Variants in FRMPD4 observed in about 807,000 individuals in gnomAD.
FRMPD4 encodes FERM and PDZ domain containing 4.
FRMPD4 carries 22 observed loss-of-function variants against 94.1 expected under a neutral mutation model. The ratio of observed to expected loss-of-function variants is 0.23; its 90% confidence interval spans 0.17 to 0.33. The LOEUF (loss-of-function observed/expected upper bound fraction) is 0.33. Ranked by LOEUF, FRMPD4 falls within the 10% of genes least tolerant of loss-of-function variation. The pLI is 1.00. For synonymous variants in FRMPD4, 631 were observed against 548.6 expected, an observed-to-expected ratio of 1.15 and a Z score of -2.10; for missense variants, 1,111 against 1,339.9, an observed-to-expected ratio of 0.83 and a Z score of 2.67.
At chrX:12,466,690 G>C (rs762564953) in intron 1 of FRMPD4, among the ~76,000 whole-genome samples, 17 of 112,248 alleles carry the variant, frequency 1.5e-4, no homozygotes, top group African/African-American at 5.5e-4. Context: ...AAGAAACTCT[G>C]TTAGTGAGGG....
chrX:12,442,054 T>C (rs971760959), intron 1 of FRMPD4, among the ~76,000 whole-genome samples: 2 of 111,740 alleles, frequency 1.8e-5, no homozygotes, highest in Non-Finnish European at 3.8e-5. Context: ...AGAGGCAGGG[T>C]AACCATATGT....
chrX:12,175,514 C>T (rs1010782827), intron 1 of FRMPD4, among the ~76,000 whole-genome samples: 2 of 111,670 alleles, frequency 1.8e-5, no homozygotes, highest in Non-Finnish European at 1.9e-5. Flanking sequence ...AAATTCAGTA[C>T]GTATTTTTGT....
At position 12,690,178 on chromosome X, in the gene FRMPD4, C is replaced by T. The variant is rs768179339; in HGVS notation, c.682-17C>T. ...GCTTCGATTTTGGTCTCATCATGTTCATGTTTCCTCTGTAAGGATGTCATC... is the reference window on the plus strand; with the variant it reads ...GCTTCGATTTTGGTCTCATCATGTTTATGTTTCCTCTGTAAGGATGTCATC... On this transcript the variant is annotated splice_polypyrimidine_tract_variant and intron_variant, in intron 7 of 16. Transcript: ENST00000675598. 1.7e-6 allele frequency: 2 copies of T among 1,194,768 alleles called. No homozygotes were observed.
At chrX:12,713,352 T>C (rs999191308) in intron 14 of FRMPD4, among the ~76,000 whole-genome samples, 1 of 111,152 alleles carries the variant, frequency 9.0e-6, no homozygotes, top group South Asian at 3.8e-4. Flanking sequence ...TAATAGAACT[T>C]AGAGGCAAAA....
intron 1 of FRMPD4, among the ~76,000 whole-genome samples, chrX:12,260,829 C>T (rs776530981): frequency 3.7e-4 from 42 of 112,018 alleles, no homozygotes; most frequent in Non-Finnish European, 3.2e-4. Context: ...CAATCCTCCA[C>T]GCGTTTGCTT....
intron 1 of FRMPD4, among the ~76,000 whole-genome samples, chrX:12,166,231 T>A (rs1358144944): frequency 2.7e-5 from 3 of 112,071 alleles, no homozygotes; most frequent in African/African-American, 9.7e-5. Flanking sequence ...TTCCATCAAT[T>A]CCTAATTTAT....
chrX:12,375,886 C>T (rs1158563604), intron 1 of FRMPD4, among the ~76,000 whole-genome samples: 1 of 112,202 alleles, frequency 8.9e-6, no homozygotes, highest in Non-Finnish European at 1.9e-5. Context: ...GGGAGGGAGT[C>T]AGCTGATTAG....
chrX:12,278,262 G>A (rs750650708), intron 1 of FRMPD4, among the ~76,000 whole-genome samples: 4 of 112,315 alleles, frequency 3.6e-5, no homozygotes, highest in African/African-American at 1.3e-4. Context: ...TTCCTTGACA[G>A]GAAGTGCCGG....
chrX:12,385,380 A>G (rs935752852), intron 1 of FRMPD4, among the ~76,000 whole-genome samples: 1 of 112,371 alleles, frequency 8.9e-6, no homozygotes, highest in Non-Finnish European at 1.9e-5. Context: ...CATCGTGTCT[A>G]TGCAACGGAA....
rs113099331 is a variant in FRMPD4, at chrX:12,454,509, G to GA, written c.42-44169dup. Among the ~76,000 whole-genome samples the GA allele has an allele frequency of 7.0e-3, 766 of 108,974 alleles. 10 individuals are homozygous for GA. Among genetic ancestry groups the GA allele is most frequent in the African/African-American group, 0.024 (707 of 30,045 alleles). The allele number at this position is 108,974 out of a possible 115,157, so 94.6% of individuals were successfully genotyped here. Reference sequence around the variant, plus strand: ...GTGATCGTGGACTGCCGAGAATATTGAATGTCAAAGAATTGCTGGAGGGTT... The same window carrying GA: ...GTGATCGTGGACTGCCGAGAATATTGAAATGTCAAAGAATTGCTGGAGGGTT... On this transcript the variant is annotated intron_variant, in intron 1 of 16. Coordinates refer to ENST00000675598, the MANE Select transcript of FRMPD4 (RefSeq NM_001368397.1).
rs182858040 is a variant in FRMPD4, at chrX:12,653,799, C to G, written c.423-21064C>G. Among the ~76,000 whole-genome samples the G allele has an allele frequency of 7.2e-3, 802 of 111,619 alleles. 6 individuals carry two copies. Among genetic ancestry groups the G allele is most frequent in the African/African-American group, 0.025 (753 of 30,696 alleles). ...TGTTTGTTTTTGAGACAGAGTTTCG[C>G]TCTTGTTGCCCAGGCTGGGGTGCAA... On this transcript the variant is annotated intron_variant, in intron 4 of 16. Coordinates refer to ENST00000675598, the MANE Select transcript of FRMPD4 (RefSeq NM_001368397.1).
chrX:12,267,999 C>T (rs2054299739), intron 1 of FRMPD4, among the ~76,000 whole-genome samples: 2 of 112,815 alleles, frequency 1.8e-5, no homozygotes, highest in Non-Finnish European at 1.9e-5. Context: ...TTAATTTTCA[C>T]TCACATCCCT....
At chrX:12,357,966 C>T (rs775607905) in intron 1 of FRMPD4, among the ~76,000 whole-genome samples, 2 of 112,038 alleles carry the variant, frequency 1.8e-5, no homozygotes, top group Admixed American at 9.5e-5. Context: ...CTGAACACTT[C>T]GTCTAGATGA....
intron 3 of FRMPD4, among the ~76,000 whole-genome samples, chrX:12,005,876 C>T (rs1327938328): frequency 1.7e-4 from 19 of 110,850 alleles, no homozygotes; most frequent in African/African-American, 6.2e-4. Flanking sequence ...TCCTCCCAGG[C>T]TGCCACATTC....
chrX:12,211,011 A>T (rs763223420), intron 1 of FRMPD4, among the ~76,000 whole-genome samples: 56 of 112,571 alleles, frequency 5.0e-4, no homozygotes, highest in Non-Finnish European at 2.6e-4. Context: ...TGTTAAAATG[A>T]AACAGTGTTT....
chrX:12,188,315 C>T (rs1325410265), intron 1 of FRMPD4, among the ~76,000 whole-genome samples: 1 of 112,005 alleles, frequency 8.9e-6, no homozygotes, highest in East Asian at 2.8e-4. Flanking sequence ...TTCCCTCTTG[C>T]ACTGTAACTT....
chrX:12,579,549 C>A (rs779626068), intron 2 of FRMPD4, among the ~76,000 whole-genome samples: 36 of 112,071 alleles, frequency 3.2e-4, no homozygotes, highest in Non-Finnish European at 5.4e-4. Context: ...GAGTCAGGGA[C>A]CGGACTGGGC....
rs1456874698 is a variant in FRMPD4, at chrX:12,614,839, C to A, written c.380C>A (p.Pro127Gln). The change falls in exon 4 of 17, where the codon CCG (proline) becomes CAG (glutamine). Residue 127 changes from proline (P) to glutamine (Q), a missense_variant. By Grantham distance (76) the Pro-to-Gln change is moderately conservative. This residue lies in a region of FRMPD4 where 140 missense variants were observed against 165.9 expected (regional missense o/e 0.84). Coordinates refer to ENST00000675598, the MANE Select transcript of FRMPD4 (RefSeq NM_001368397.1). Reference sequence around the variant, plus strand: ...CAGATTGTAATGATTAATGATGAACCGGTCAGCGCTGCACCCAGAGAGCGG... The same window carrying A: ...CAGATTGTAATGATTAATGATGAACAGGTCAGCGCTGCACCCAGAGAGCGG... ...GDQIVMINDE[P>Q]VSAAPRERVI... 1 of 1,188,770 alleles carries A rather than the reference C, an allele frequency of 8.4e-7. No individual in the cohort carries two copies. The highest frequency in any genetic ancestry group is 1.1e-6 in the Non-Finnish European group (1 of 875,598).
At chrX:12,690,078 A>G in intron 7 of FRMPD4, 117 bp from the exon 8 acceptor site, 2 of 495,195 alleles carry the variant, frequency 4.0e-6, no homozygotes, top group South Asian at 4.5e-5. Context: ...AGAATCAACC[A>G]AACGTATAAA....
Sources: gnomAD v4.1 joint callset for allele counts (sites outside exome capture counted in the v4.1 genomes callset) on GRCh38, gnomAD v4.1.1 for gene constraint, gnomAD v4.1.1 regional missense constraint, MANE v1.5 for transcripts, NCBI Gene and HGNC (gene_info 2026-07-23, HGNC 2026-07-21) for gene names.